CYP3A4: variants seen among roughly 807,000 people sequenced by gnomAD.
CYP3A4 encodes the protein cytochrome P450 family 3 subfamily A member 4, also known as cytochrome P450 3A4.
A neutral mutation model predicts 54.9 loss-of-function variants in CYP3A4; 41 were observed. That is an observed-to-expected ratio of 0.75 (90% CI 0.58 to 0.97). The LOEUF is 0.97. Ranked by LOEUF, CYP3A4 falls within the 50% of genes least tolerant of loss-of-function variation. The pLI is 0.00. For missense variants in CYP3A4, 510 were observed against 597.3 expected, an observed-to-expected ratio of 0.85 and a Z score of 1.52; for synonymous variants, 179 against 205.2, an observed-to-expected ratio of 0.87 and a Z score of 1.09.
intron 11 of CYP3A4, 129 bp from the exon 12 acceptor site, chr7:99,761,110 T>G: frequency 2.0e-6 from 2 of 1,025,622 alleles, no homozygotes; most frequent in Non-Finnish European, 2.8e-6. Context: ...GGGCTGGTCA[T>G]TGAAATCCTG....
intron 4 of CYP3A4, among the ~76,000 whole-genome samples, chr7:99,770,992 CA>C (rs1332193929): frequency 6.6e-6 from 1 of 151,792 alleles, no homozygotes; most frequent in East Asian, 1.9e-4. Flanking sequence ...AGAGAATCTA[CA>C]AAAAAACAGC....
At chr7:99,769,736 G>T (rs1311738465) in intron 6 of CYP3A4, 32 bp downstream of exon 6, 2 of 1,612,958 alleles carry the variant, frequency 1.2e-6, no homozygotes, top group African/African-American at 1.3e-5. Flanking sequence ...GTTCATGACA[G>T]CTCAGAACCC....
At position 99,761,491 on chromosome 7, in the gene CYP3A4, T is replaced by TCTCCTC. The variant is rs1353843082; in HGVS notation, c.1254-511_1254-510insGAGGAG. Reference sequence around the variant, plus strand: ...TTGTCTTCTCCCTCCTTCTCCTCCTTCTTCTTCTCTCCATCTCTCCCTCTT... The same window carrying TCTCCTC: ...TTGTCTTCTCCCTCCTTCTCCTCCTTCTCCTCCTTCTTCTCTCCATCTCTCCCTCTT... On this transcript the variant is annotated intron_variant, in intron 11 of 12. Coordinates refer to ENST00000651514, the MANE Select transcript of CYP3A4 (RefSeq NM_017460.6). Among the ~76,000 whole-genome samples, 7 of 152,084 alleles carry TCTCCTC rather than the reference T, an allele frequency of 4.6e-5. No individual in the cohort carries two copies. In the South Asian group the frequency reaches 8.3e-4, roughly 18 times the overall value.
intron 9 of CYP3A4, among the ~76,000 whole-genome samples, chr7:99,765,840 AT>A (rs1199970685): frequency 6.6e-6 from 1 of 152,190 alleles, no homozygotes; most frequent in Non-Finnish European, 1.5e-5. Flanking sequence ...AAAGTGGAAA[AT>A]AACTTTGCAG....
intron 6 of CYP3A4, 52 bp downstream of exon 6, chr7:99,769,716 A>C (rs12721623): frequency 0.015 from 23,969 of 1,605,570 alleles, 252 homozygotes; most frequent in Non-Finnish European, 0.017. Flanking sequence ...CATGGCAGGC[A>C]GCTGGAGGGG....
chr7:99,761,620 A>G (rs28988593), intron 11 of CYP3A4, among the ~76,000 whole-genome samples: 3,301 of 152,262 alleles, frequency 0.022, 130 homozygotes, highest in African/African-American at 0.077. Context: ...TTCTTTGTCT[A>G]TCTGTTCCAG....
chr7:99,769,851 G>T lies in CYP3A4; in HGVS notation c.438C>A (p.Val146=). ...CATCTCCATACTGGGCAATGATAGG[G>T]ACCATCTAAGCACAAAACACAACAC... is the stretch of plus-strand genomic sequence containing the variant. ...TFTSGKLKEM[V]PIIAQYGDVL... Residue 146 remains valine, a synonymous_variant, in exon 6 of 13, where the codon GTC becomes GTA. Transcript: ENST00000651514. 6.2e-7 allele frequency: 1 copy of T among 1,613,948 alleles called. No individual in the cohort carries two copies. Among genetic ancestry groups the T allele is most frequent in the Non-Finnish European group, 8.5e-7 (1 of 1,179,912 alleles).
intron 1 of CYP3A4, among the ~76,000 whole-genome samples, chr7:99,780,990 G>C (rs1026300263): frequency 6.6e-6 from 1 of 152,198 alleles, no homozygotes; most frequent in African/African-American, 2.4e-5. Context: ...AAAATCTCAT[G>C]TTGAAATGCA....
intron 10 of CYP3A4, 28 bp downstream of exon 10, chr7:99,763,827 C>CCT (rs1466053183): frequency 6.2e-7 from 1 of 1,613,334 alleles, no homozygotes; most frequent in Non-Finnish European, 8.5e-7. Flanking sequence ...TCACCTCCTC[C>CCT]CTCCTTCTCC....
intron 5 of CYP3A4, 130 bp from the exon 6 acceptor site, chr7:99,769,986 A>G: frequency 6.4e-7 from 1 of 1,553,010 alleles, no homozygotes; most frequent in Non-Finnish European, 8.9e-7. Flanking sequence ...TTCTGTACAT[A>G]AAGATAAAAG....
At chr7:99,780,633 TA>T in intron 1 of CYP3A4, among the ~76,000 whole-genome samples, 1 of 152,322 alleles carries the variant, frequency 6.6e-6, no homozygotes, top group East Asian at 1.9e-4. Flanking sequence ...GACCCTGTTT[TA>T]GGATCTGGTT....
rs1815874863 is a variant in CYP3A4, at chr7:99,779,989, C to T, written c.165+3G>A. ...GCAAAAGAGTGAGCTCAAAAACACT[C>T]ACCTTATGGTAGGACAAAATATTTC... On this transcript the variant is annotated splice_donor_region_variant and intron_variant, in intron 2 of 12. Coordinates refer to ENST00000651514, the MANE Select transcript of CYP3A4 (RefSeq NM_017460.6). 1.2e-6 allele frequency: 2 copies of T among 1,611,532 alleles called. No individual in the cohort carries two copies. The highest frequency in any genetic ancestry group is 2.2e-5 in the South Asian group (2 of 91,006).
intron 9 of CYP3A4, among the ~76,000 whole-genome samples, chr7:99,765,528 A>C (rs28988589): frequency 0.036 from 5,414 of 152,288 alleles, 298 homozygotes; most frequent in African/African-American, 0.12. Flanking sequence ...AGATACATAG[A>C]TAGATACATA....
intron 7 of CYP3A4, 97 bp downstream of exon 7, chr7:99,768,257 T>C (rs1563041665): frequency 6.9e-6 from 9 of 1,305,800 alleles, no homozygotes; most frequent in Non-Finnish European, 8.7e-6. Flanking sequence ...CTGAACTGTA[T>C]ATTTTAAGTG....
rs1373873506 is a variant in CYP3A4, at chr7:99,757,991, G to A, written c.*142C>T. ...CAGACAATGAGAGAGCTCAATGCAT[G>A]TACAGAATCCCCGGTTATTTATGCA... On this transcript the variant is annotated 3_prime_UTR_variant, in exon 13 of 13. Coordinates refer to ENST00000651514, the MANE Select transcript of CYP3A4 (RefSeq NM_017460.6). 2.2e-5 allele frequency: 15 copies of A among 688,086 alleles called. No individual in the cohort carries two copies. The Admixed American group carries it at 3.0e-4, about 14-fold the overall frequency. The allele number at this position is 688,086 out of a possible 1,614,324, so 42.6% of individuals were successfully genotyped here.
At chr7:99,760,717 A>G in intron 12 of CYP3A4, 102 bp downstream of exon 12, 2 of 1,446,930 alleles carry the variant, frequency 1.4e-6, no homozygotes, top group Non-Finnish European at 1.9e-6. Flanking sequence ...CCAGAGAACA[A>G]ATTAGTAAAA....
intron 11 of CYP3A4, 58 bp downstream of exon 11, chr7:99,761,983 C>G (rs933172203): frequency 1.4e-6 from 2 of 1,439,866 alleles, no homozygotes; most frequent in Non-Finnish European, 2.0e-6. Context: ...TTAAGAGAGG[C>G]AGAATATGCT....
chr7:99,757,549 A>G lies in CYP3A4; in HGVS notation c.*584T>C, dbSNP rs528029485. The G allele has an allele frequency of 1.3e-5, 2 of 153,308 alleles. No individual in the cohort carries two copies. Among genetic ancestry groups the G allele is most frequent in the African/African-American group, 4.8e-5 (2 of 41,602 alleles). 9.5% of individuals were successfully genotyped at this position (153,308 alleles called of 1,614,324 possible). ...AGTGGATTAACTTTCACCTATGTTA[A>G]TAATCAAATTCTAGTTCTGACAAAG... On this transcript the variant is annotated 3_prime_UTR_variant, in exon 13 of 13. Transcript: ENST00000651514.
In CYP3A4 at chr7:99,757,511, T is replaced by C. The variant is rs1301269370; in HGVS notation, c.*622A>G. ...AACTATGAATATTCTTTCTAAACAA[T>C]GGGCAAAGTCACAGTGGATTAACTT... is the stretch of plus-strand genomic sequence containing the variant. On this transcript the variant is annotated 3_prime_UTR_variant, in exon 13 of 13. Coordinates refer to ENST00000651514, the MANE Select transcript of CYP3A4 (RefSeq NM_017460.6). 2.6e-5 allele frequency: 4 copies of C among 152,830 alleles called. No individual in the cohort carries two copies. Among genetic ancestry groups the C allele is most frequent in the African/African-American group, 9.7e-5 (4 of 41,446 alleles). The allele number at this position is 152,830 out of a possible 1,614,324, so 9.5% of individuals were successfully genotyped here. A position where few individuals can be genotyped will look rare whatever the true frequency, so the allele number is the denominator to read the frequency against.
Sources: allele counts gnomAD v4.1 joint callset (sites outside exome capture counted in the v4.1 genomes callset), GRCh38; gene constraint gnomAD v4.1.1; transcripts MANE v1.5; gene names NCBI Gene and HGNC (gene_info 2026-07-23, HGNC 2026-07-21).